The following UBE2Z variants were observed in gnomAD, a reference collection of about 807,000 sequenced individuals.
UBE2Z encodes ubiquitin-conjugating enzyme E2 Z.
A neutral mutation model predicts 32.6 loss-of-function variants in UBE2Z; 10 were observed. That is an observed-to-expected ratio of 0.31 (90% CI 0.19 to 0.52). UBE2Z has a LOEUF of 0.52. Among genes scored for constraint, UBE2Z ranks in the 20% least tolerant of loss-of-function variants. The probability of loss-of-function intolerance (pLI) is 0.97; values close to 1 mark genes in which losing one functional copy is unlikely to be tolerated. For missense variants in UBE2Z, 343 were observed against 480.9 expected (o/e 0.71, Z 2.68); for synonymous variants, 183 against 190.8 (o/e 0.96, Z 0.34).
In UBE2Z at chr17:48,928,384, A is replaced by G. The variant is rs1250535452; in HGVS notation, c.*1250A>G. ...AGGTGCCCTGTAATCCTGGGCATCA[A>G]GGGAATCCATCCTTCCCCTTTTTGA... On this transcript the variant is annotated 3_prime_UTR_variant, in exon 7 of 7. Transcript: ENST00000360943. 1 of 152,528 alleles carries G rather than the reference A, an allele frequency of 6.6e-6. No individual in the cohort carries two copies. The highest frequency in any genetic ancestry group is 1.5e-5 in the Non-Finnish European group (1 of 68,040). 9.4% of individuals were successfully genotyped at this position (152,528 alleles called of 1,614,324 possible).
intron 4 of UBE2Z, among the ~76,000 whole-genome samples, chr17:48,919,961 C>T (rs1469105491): frequency 6.6e-6 from 1 of 151,586 alleles, no homozygotes; most frequent in Non-Finnish European, 1.5e-5. Flanking sequence ...TTTTTTTCTC[C>T]CCCTAAAGAG....
At chr17:48,923,285 C>A (rs368801392) in intron 6 of UBE2Z, among the ~76,000 whole-genome samples, 2 of 136,470 alleles carry the variant, frequency 1.5e-5, no homozygotes, top group East Asian at 2.1e-4. Context: ...TGTGCCACTG[C>A]ACTTCAGCCT....
intron 4 of UBE2Z, among the ~76,000 whole-genome samples, chr17:48,919,700 ACTC>A (rs1395800003): frequency 6.6e-6 from 1 of 151,850 alleles, no homozygotes; most frequent in East Asian, 1.9e-4. Context: ...CTGATCCTGA[ACTC>A]CTGAACTCAA....
intron 5 of UBE2Z, among the ~76,000 whole-genome samples, chr17:48,921,957 G>T (rs2040762099): frequency 6.6e-6 from 1 of 152,132 alleles, no homozygotes. Context: ...GAGCCTAAGA[G>T]GTTGAGGCTG....
rs540109810 is a variant in UBE2Z at position 48,927,911 on chromosome 17, C to T, written c.*777C>T. On this transcript the variant is annotated 3_prime_UTR_variant, in exon 7 of 7. Coordinates refer to ENST00000360943, the MANE Select transcript of UBE2Z (RefSeq NM_023079.5). ...AGAAGCTGAAAATACTGTTTGTTCC[C>T]GCAATCACTGATTTGAAAAGTTCCC... 2.6e-4 allele frequency: 39 copies of T among 152,756 alleles called. No homozygotes were observed. Among genetic ancestry groups the T allele is most frequent in the African/African-American group, 7.7e-4 (32 of 41,558 alleles). The allele number at this position is 152,756 out of a possible 1,614,324, so 9.5% of individuals were successfully genotyped here. A position where few individuals can be genotyped will look rare whatever the true frequency, so the allele number is the denominator to read the frequency against.
chr17:48,919,719 C>T (rs1007174484), intron 4 of UBE2Z, among the ~76,000 whole-genome samples: 1 of 151,808 alleles, frequency 6.6e-6, no homozygotes, highest in African/African-American at 2.4e-5. Context: ...CTCAAGCGAT[C>T]CGCCTGCATC....
Position 48,908,501 on chromosome 17 carries a change from G to C in UBE2Z, c.-3G>C. 8.1e-7 allele frequency: 1 copy of C among 1,234,432 alleles called. No homozygotes were observed. The highest frequency in any genetic ancestry group is 1.0e-6 in the Non-Finnish European group (1 of 988,488). The allele number at this position is 1,234,432 out of a possible 1,614,324, so 76.5% of individuals were successfully genotyped here. A position where few individuals can be genotyped will look rare whatever the true frequency, so the allele number is the denominator to read the frequency against. On this transcript the variant is annotated 5_prime_UTR_variant, in exon 1 of 7. Coordinates refer to ENST00000360943, the MANE Select transcript of UBE2Z (RefSeq NM_023079.5). The stretch of plus-strand genomic sequence containing the variant: ...GCCGAGTAGTCCCGGAAGCGAAGCA[G>C]CGATGGCGGAGAGTCCGACTGAGGA...
At chr17:48,909,006 C>T in intron 1 of UBE2Z, 186 bp downstream of exon 1, 1 of 326,110 alleles carries the variant, frequency 3.1e-6, no homozygotes, top group South Asian at 3.5e-5. Flanking sequence ...CACCCTCAGA[C>T]CCGCAAGCAC....
At chr17:48,917,351 A>G (rs531969962) in intron 4 of UBE2Z, among the ~76,000 whole-genome samples, 6 of 152,290 alleles carry the variant, frequency 3.9e-5, no homozygotes, top group South Asian at 4.1e-4. Flanking sequence ...GAGAGTTACA[A>G]TAAGTATGTG....
chr17:48,909,086 T>G, intron 1 of UBE2Z: 3 of 158,056 alleles, frequency 1.9e-5, no homozygotes, highest in East Asian at 1.8e-4. Context: ...TCCGTCTCCA[T>G]TCCGGCCACC....
chr17:48,925,607 TC>T (rs1358781822), intron 6 of UBE2Z, among the ~76,000 whole-genome samples: 4 of 152,192 alleles, frequency 2.6e-5, no homozygotes, highest in African/African-American at 7.2e-5. Flanking sequence ...ATTGCTGGTA[TC>T]CAACAGCATT....
intron 4 of UBE2Z, among the ~76,000 whole-genome samples, 184 bp from the exon 5 acceptor site, chr17:48,920,976 G>A (rs1249596440): frequency 6.6e-6 from 1 of 152,118 alleles, no homozygotes; most frequent in Admixed American, 6.6e-5. Context: ...TTGGAGGGTG[G>A]TGGAGGTGAA....
chr17:48,926,871 T>G, intron 6 of UBE2Z, 93 bp from the exon 7 acceptor site: 2,716 of 1,328,994 alleles, frequency 2.0e-3, no homozygotes, highest in Non-Finnish European at 2.6e-3. Context: ...GCTCAGAAGT[T>G]GAGCTTTCAT....
At chr17:48,910,541 G>A (rs2040668385) in intron 1 of UBE2Z, 2 of 372,638 alleles carry the variant, frequency 5.4e-6, no homozygotes, top group East Asian at 4.1e-5. Flanking sequence ...GACATTTGAT[G>A]CCATTGGGAT....
chr17:48,909,897 C>G (rs961952462), intron 1 of UBE2Z, among the ~76,000 whole-genome samples: 2 of 152,104 alleles, frequency 1.3e-5, no homozygotes, highest in African/African-American at 4.8e-5. Context: ...GTGTAAAGTA[C>G]CTGGCACAGT....
At position 48,916,118 on chromosome 17, in the gene UBE2Z, C is replaced by T. The variant is rs1204799672; in HGVS notation, c.621C>T (p.Ser207=). 6.3e-7 allele frequency: 1 copy of T among 1,590,642 alleles called. No individual in the cohort carries two copies. Residue 207 remains serine (S), a synonymous_variant, in exon 4 of 7, where the codon TCC becomes TCT. Transcript: ENST00000360943. ...CCTGGAGCCCAGCCCAGAGCATCTC[C>T]TCAGTGCTCATCTCTATCCAGTCCC... ...GPAWSPAQSI[S]SVLISIQSLM...
chr17:48,916,193 GC>G lies in UBE2Z; in HGVS notation c.690+8del, dbSNP rs767821512. 6 of 1,522,024 alleles carry G rather than the reference GC, an allele frequency of 3.9e-6. No homozygotes were observed. Among genetic ancestry groups the G allele is most frequent in the Non-Finnish European group, 8.8e-7 (1 of 1,134,804 alleles). 94.3% of individuals were successfully genotyped at this position (1,522,024 alleles called of 1,614,324 possible). A position where few individuals can be genotyped will look rare whatever the true frequency, so the allele number is the denominator to read the frequency against. The stretch of plus-strand genomic sequence containing the variant: ...ATGAGCCCGGCTTTGAACAGGTAAG[GC>G]CAGATGGGCCTGGCTCTGGGGTGTA... On this transcript the variant is annotated splice_region_variant and intron_variant, in intron 4 of 6. Transcript: ENST00000360943.
chr17:48,915,213 T>C (rs2040710409), intron 3 of UBE2Z, among the ~76,000 whole-genome samples: 2 of 152,096 alleles, frequency 1.3e-5, no homozygotes, highest in African/African-American at 4.8e-5. Flanking sequence ...GGAGCAAAGC[T>C]GAAAAGATAG....
intron 2 of UBE2Z, 138 bp downstream of exon 2, chr17:48,911,018 T>C (rs1172549075): frequency 4.0e-6 from 3 of 740,994 alleles, no homozygotes; most frequent in Non-Finnish European, 7.1e-6. Flanking sequence ...GTAAGTGGCT[T>C]GTCCAAGGTC....
Sources: allele counts gnomAD v4.1 joint callset (sites outside exome capture counted in the v4.1 genomes callset), GRCh38; gene constraint gnomAD v4.1.1; transcripts MANE v1.5; gene names NCBI Gene and HGNC (gene_info 2026-07-23, HGNC 2026-07-21).